Variants in PDS5A observed in about 807,000 individuals in gnomAD.
PDS5A encodes sister chromatid cohesion protein PDS5 homolog A.
A neutral mutation model predicts 167.1 loss-of-function variants in PDS5A; 42 were observed. The observed-to-expected ratio is 0.25, with a 90% confidence interval of 0.20 to 0.33. PDS5A has a LOEUF of 0.33. PDS5A is among the 10% of genes least tolerant of loss of function. The pLI is 1.00. For missense variants in PDS5A, 1,033 were observed against 1,605.9 expected, an observed-to-expected ratio of 0.64 and a Z score of 6.10; for synonymous variants, 553 against 554.6, an observed-to-expected ratio of 1.00 and a Z score of 0.04.
intron 32 of PDS5A, 58 bp downstream of exon 32, chr4:39,837,798 T>C: frequency 7.7e-7 from 1 of 1,303,790 alleles, no homozygotes. Context: ...ACTAAGAATA[T>C]ACTACGAATA....
intron 8 of PDS5A, among the ~76,000 whole-genome samples, 167 bp from the exon 9 acceptor site, chr4:39,913,893 T>C (rs185652109): frequency 5.6e-4 from 85 of 152,358 alleles, no homozygotes; most frequent in African/African-American, 1.9e-3. Context: ...TTTAATTTCA[T>C]GTTAGATCAT....
chr4:39,841,656 T>G (rs1283147778), intron 31 of PDS5A, among the ~76,000 whole-genome samples: 1 of 152,040 alleles, frequency 6.6e-6, no homozygotes, highest in East Asian at 1.9e-4. Context: ...GGGATTTTGG[T>G]GCCAACCACC....
chr4:39,850,386 G>A (rs1718024777), intron 26 of PDS5A, among the ~76,000 whole-genome samples: 1 of 151,968 alleles, frequency 6.6e-6, no homozygotes, highest in Non-Finnish European at 1.5e-5. Context: ...GCTACTTGTG[G>A]GGCTGAGGTG....
At chr4:39,896,197 C>T (rs943398030) in intron 16 of PDS5A, among the ~76,000 whole-genome samples, 1 of 151,734 alleles carries the variant, frequency 6.6e-6, no homozygotes, top group Non-Finnish European at 1.5e-5. Context: ...TGTGCGCCAC[C>T]ATGTGCAGCT....
intron 2 of PDS5A, among the ~76,000 whole-genome samples, chr4:39,930,247 GTTT>G (rs1258661213): frequency 6.1e-4 from 38 of 61,946 alleles, no homozygotes; most frequent in East Asian, 3.7e-3. Flanking sequence ...AAAAAAAAAA[GTTT>G]TTTTGTTTTT....
intron 2 of PDS5A, among the ~76,000 whole-genome samples, chr4:39,966,872 G>A (rs1730014156): frequency 6.9e-6 from 1 of 145,270 alleles, no homozygotes; most frequent in South Asian, 2.3e-4. Context: ...AGTGGTGGGT[G>A]CCTGTAATCC....
chr4:39,885,364 C>T (rs957259646), intron 17 of PDS5A, among the ~76,000 whole-genome samples: 3 of 151,664 alleles, frequency 2.0e-5, no homozygotes, highest in African/African-American at 7.3e-5. Flanking sequence ...ATTTTGGAGG[C>T]CAAGGTGGGC....
At chr4:39,867,081 T>G in intron 22 of PDS5A, 84 bp from the exon 23 acceptor site, 1 of 1,034,876 alleles carries the variant, frequency 9.7e-7, no homozygotes. Flanking sequence ...ATTAATGAGA[T>G]TACTCATCTC....
At chr4:39,917,606 G>A (rs1048554671) in intron 7 of PDS5A, among the ~76,000 whole-genome samples, 1 of 151,864 alleles carries the variant, frequency 6.6e-6, no homozygotes, top group African/African-American at 2.4e-5. Context: ...ATGGAGTCTG[G>A]CTCTGTCACC....
chr4:39,949,030 G>A (rs978613755), intron 2 of PDS5A, among the ~76,000 whole-genome samples: 1 of 151,940 alleles, frequency 6.6e-6, no homozygotes, highest in African/African-American at 2.4e-5. Context: ...CAGGCATGGT[G>A]GCTCACACCT....
intron 32 of PDS5A, among the ~76,000 whole-genome samples, chr4:39,829,997 C>G (rs1309789721): frequency 7.2e-6 from 1 of 139,752 alleles, no homozygotes; most frequent in African/African-American, 2.9e-5. Context: ...AATTTCCAAG[C>G]TACCGCCATG....
chr4:39,896,340 T>C (rs1331654297), intron 16 of PDS5A, among the ~76,000 whole-genome samples: 1 of 146,276 alleles, frequency 6.8e-6, no homozygotes, highest in Non-Finnish European at 1.5e-5. Context: ...GCCAATGTAC[T>C]GATCTTTTTT....
At chr4:39,950,839 C>T (rs902150494) in intron 2 of PDS5A, among the ~76,000 whole-genome samples, 13 of 152,140 alleles carry the variant, frequency 8.5e-5, no homozygotes, top group African/African-American at 2.9e-4. Flanking sequence ...CCACCAGCCT[C>T]GGCCTCTCAA....
intron 10 of PDS5A, 75 bp downstream of exon 10, chr4:39,910,168 GA>G: frequency 1.4e-6 from 1 of 706,238 alleles, no homozygotes; most frequent in Middle Eastern, 2.5e-4. Context: ...CTTGGAAAGT[GA>G]AGTTAGGTCA....
In PDS5A at chr4:39,844,191, C is replaced by T. The variant is rs541268506; in HGVS notation, c.3548+465G>A. Among the ~76,000 whole-genome samples the T allele has an allele frequency of 1.3e-4, 20 of 151,840 alleles. No individual in the cohort carries two copies. The South Asian group carries it at 4.2e-3, about 32-fold the overall frequency. On this transcript the variant is annotated intron_variant, in intron 30 of 32. Transcript: ENST00000303538. Reference sequence around the variant, plus strand: ...TAAAATTAAGAAAAAAAAGAAAATACTGGCTGGGTGCGGTGGCTTACGCCT... The same window carrying T: ...TAAAATTAAGAAAAAAAAGAAAATATTGGCTGGGTGCGGTGGCTTACGCCT...
chr4:39,938,894 AG>A (rs1560501163), intron 2 of PDS5A, among the ~76,000 whole-genome samples: 1 of 151,672 alleles, frequency 6.6e-6, no homozygotes, highest in Non-Finnish European at 1.5e-5. Context: ...CGCTTGAACC[AG>A]GGAGTCCGAG....
At chr4:39,885,784 A>C (rs1721409391) in intron 17 of PDS5A, among the ~76,000 whole-genome samples, 1 of 142,516 alleles carries the variant, frequency 7.0e-6, no homozygotes, top group Non-Finnish European at 1.5e-5. Context: ...AAAAACAAAC[A>C]AAAAAAAACA....
At chr4:39,877,260 G>A (rs1720539166) in intron 18 of PDS5A, 107 bp from the exon 19 acceptor site, 1 of 647,796 alleles carries the variant, frequency 1.5e-6, no homozygotes, top group Non-Finnish European at 2.5e-6. Flanking sequence ...GGGTAAATAT[G>A]CTAGCTACAC....
intron 2 of PDS5A, among the ~76,000 whole-genome samples, chr4:39,930,203 G>A (rs1725884082): frequency 1.1e-5 from 1 of 93,828 alleles, no homozygotes; most frequent in East Asian, 3.4e-4. Context: ...GCAACAGAGT[G>A]AGACTCCATC....
Sources: allele counts gnomAD v4.1 joint callset (sites outside exome capture counted in the v4.1 genomes callset), GRCh38; gene constraint gnomAD v4.1.1; transcripts MANE v1.5; gene names NCBI Gene and HGNC (gene_info 2026-07-23, HGNC 2026-07-21).